The following TAFA4 variants were observed in gnomAD, a reference collection of about 807,000 sequenced individuals.
TAFA4 encodes chemokine-like protein TAFA-4.
A neutral mutation model predicts 21.1 loss-of-function variants in TAFA4; 20 were observed. The ratio of observed to expected loss-of-function variants is 0.95; its 90% confidence interval spans 0.67 to 1.38. TAFA4 has a LOEUF of 1.38. Among genes scored for constraint, TAFA4 ranks in the 40% most tolerant of loss-of-function variants. The probability of loss-of-function intolerance (pLI) is 0.00; values close to 1 mark genes in which losing one functional copy is unlikely to be tolerated. For missense variants in TAFA4, 211 were observed against 180.9 expected (o/e 1.17, Z -0.95); for synonymous variants, 71 against 67.4 (o/e 1.05, Z -0.26).
rs142860769 is a variant in TAFA4, at chr3:68,906,345, C to T, written c.-122-21035G>A. 8.4e-3 allele frequency among the ~76,000 whole-genome samples: 1,280 copies of T among 152,228 alleles called. 10 individuals are homozygous for T. Among genetic ancestry groups the T allele is most frequent in the Non-Finnish European group, 0.014 (952 of 68,016 alleles). ...TGACTGCTTTTTACTTTCAATTATT[C>T]GGGGTCTTTTACTCTTGAGGGACTC... On this transcript the variant is annotated intron_variant, in intron 1 of 5. Transcript: ENST00000295569.
At position 68,809,286 on chromosome 3, in the gene TAFA4, A is replaced by G. The variant is rs533061787; in HGVS notation, c.131-56268T>C. On this transcript the variant is annotated intron_variant, in intron 3 of 5. Coordinates refer to ENST00000295569, the MANE Select transcript of TAFA4 (RefSeq NM_182522.5). ...CAATGAAAGCACAGAATCAATCAAA[A>G]TAAATGTTTCATTGAAGCCACCAGT... is the stretch of plus-strand genomic sequence containing the variant. Among the ~76,000 whole-genome samples, 6 of 152,320 alleles carry G rather than the reference A, an allele frequency of 3.9e-5. No individual in the cohort carries two copies. The East Asian group carries it at 1.2e-3, about 29-fold the overall frequency.
chr3:68,752,818 T>C (rs1183959493), intron 4 of TAFA4, 45 bp downstream of exon 4: 3 of 1,613,564 alleles, frequency 1.9e-6, no homozygotes, highest in South Asian at 2.2e-5. Context: ...CTGGTGGGTT[T>C]TGGCCTTTTT....
At chr3:68,843,314 T>C (rs1311491443) in intron 3 of TAFA4, among the ~76,000 whole-genome samples, 1 of 152,220 alleles carries the variant, frequency 6.6e-6, no homozygotes, top group Non-Finnish European at 1.5e-5. Flanking sequence ...AGTTCACTCA[T>C]GATTTGGCTC....
At chr3:68,811,736 TTGGAA>T (rs1368814165) in intron 3 of TAFA4, among the ~76,000 whole-genome samples, 1 of 152,120 alleles carries the variant, frequency 6.6e-6, no homozygotes, top group Non-Finnish European at 1.5e-5. Context: ...TGGAACCAAG[TTGGAA>T]AACATTCTGC....
Position 68,844,821 on chromosome 3 carries a change from C to T in TAFA4, c.130+35909G>A, listed in dbSNP as rs117072829. 2.7e-4 allele frequency among the ~76,000 whole-genome samples: 41 copies of T among 152,164 alleles called. No homozygotes were observed. The East Asian group carries it at 4.8e-3, about 18-fold the overall frequency. On this transcript the variant is annotated intron_variant, in intron 3 of 5. Transcript: ENST00000295569. The stretch of plus-strand genomic sequence containing the variant: ...AGGCTGTTCAGTTTCCATGCATTTG[C>T]GTGGTTTTGAGTGAGTTTCTTAATC...
chr3:68,825,590 A>T (rs567536223), intron 3 of TAFA4, among the ~76,000 whole-genome samples: 2 of 150,054 alleles, frequency 1.3e-5, no homozygotes, highest in Non-Finnish European at 2.9e-5. Context: ...ACCTTACCTT[A>T]ATGAACACAT....
intron 3 of TAFA4, among the ~76,000 whole-genome samples, chr3:68,808,251 C>A (rs994673791): frequency 1.3e-5 from 2 of 152,138 alleles, no homozygotes; most frequent in African/African-American, 4.8e-5. Flanking sequence ...AAAAATGACC[C>A]TTCCACTGGC....
At chr3:68,845,499 G>A (rs181145606) in intron 3 of TAFA4, among the ~76,000 whole-genome samples, 2 of 152,140 alleles carry the variant, frequency 1.3e-5, no homozygotes, top group Admixed American at 1.3e-4. Context: ...CTTTTAATTG[G>A]GGCCTTTAGC....
intron 1 of TAFA4, among the ~76,000 whole-genome samples, chr3:68,892,415 G>A (rs899532697): frequency 6.6e-6 from 1 of 152,156 alleles, no homozygotes; most frequent in African/African-American, 2.4e-5. Flanking sequence ...GTGGTAGAGA[G>A]TTGTTTTAGC....
intron 3 of TAFA4, among the ~76,000 whole-genome samples, chr3:68,786,723 G>C (rs1390386502): frequency 6.6e-6 from 1 of 152,166 alleles, no homozygotes; most frequent in Non-Finnish European, 1.5e-5. Flanking sequence ...AAAGTGATTT[G>C]TAAGCTTTAT....
chr3:68,788,267 C>T (rs1053234029), intron 3 of TAFA4, among the ~76,000 whole-genome samples: 3 of 152,162 alleles, frequency 2.0e-5, no homozygotes, highest in Admixed American at 6.5e-5. Context: ...ACTACTGCTG[C>T]TCCTCAAACA....
chr3:68,784,467 G>C (rs77868091), intron 3 of TAFA4, among the ~76,000 whole-genome samples: 3 of 152,068 alleles, frequency 2.0e-5, no homozygotes, highest in African/African-American at 7.2e-5. Flanking sequence ...TGGCTCAGGA[G>C]TGAAGCTGCA....
intron 3 of TAFA4, among the ~76,000 whole-genome samples, chr3:68,802,091 A>C (rs1703591597): frequency 6.6e-6 from 1 of 152,164 alleles, no homozygotes; most frequent in South Asian, 2.1e-4. Flanking sequence ...AACAAAATGG[A>C]GGTTACATTA....
intron 1 of TAFA4, among the ~76,000 whole-genome samples, chr3:68,899,498 G>C (rs1468848193): frequency 6.6e-6 from 1 of 151,878 alleles, no homozygotes; most frequent in Non-Finnish European, 1.5e-5. Context: ...TAAAGGCCTA[G>C]GAAGCCATTC....
chr3:68,781,784 T>A (rs1703158877), intron 3 of TAFA4, among the ~76,000 whole-genome samples: 1 of 152,030 alleles, frequency 6.6e-6, no homozygotes, highest in African/African-American at 2.4e-5. Flanking sequence ...TACTCTGATA[T>A]GAAAACCAAA....
At chr3:68,762,389 G>A (rs1702772751) in intron 3 of TAFA4, among the ~76,000 whole-genome samples, 2 of 152,150 alleles carry the variant, frequency 1.3e-5, no homozygotes, top group Non-Finnish European at 2.9e-5. Context: ...GGATTTTTAA[G>A]ATGTGGGAAA....
At chr3:68,915,300 A>G (rs2107012103) in intron 1 of TAFA4, among the ~76,000 whole-genome samples, 1 of 152,358 alleles carries the variant, frequency 6.6e-6, no homozygotes, top group South Asian at 2.1e-4. Flanking sequence ...GCCAAAAAAG[A>G]CAATACAATT....
intron 3 of TAFA4, among the ~76,000 whole-genome samples, chr3:68,762,050 C>T (rs1348340027): frequency 6.6e-6 from 1 of 151,066 alleles, no homozygotes; most frequent in Non-Finnish European, 1.5e-5. Flanking sequence ...AGAAATCTGG[C>T]TTTAGGAAAG....
chr3:68,865,701 T>C (rs910585287), intron 3 of TAFA4, among the ~76,000 whole-genome samples: 2 of 152,096 alleles, frequency 1.3e-5, no homozygotes, highest in East Asian at 3.9e-4. Context: ...TGGCTATACA[T>C]AGACATAATC....
Sources: allele counts gnomAD v4.1 joint callset (sites outside exome capture counted in the v4.1 genomes callset), GRCh38; gene constraint gnomAD v4.1.1; transcripts MANE v1.5; gene names NCBI Gene and HGNC (gene_info 2026-07-23, HGNC 2026-07-21).